The following DLGAP2 variants were observed in gnomAD, a reference collection of about 807,000 sequenced individuals.
DLGAP2 encodes DLG associated protein 2.
In DLGAP2, 26 loss-of-function variants were observed where a neutral mutation model predicts 100.3. The ratio of observed to expected loss-of-function variants is 0.26; its 90% CI spans 0.19 to 0.36. The LOEUF (loss-of-function observed/expected upper bound fraction) is 0.36, where lower values mean the gene tolerates loss of function less well. Among genes scored for constraint, DLGAP2 ranks in the 10% least tolerant of loss-of-function variants. The pLI, the probability that DLGAP2 is intolerant of heterozygous loss-of-function variation, is 1.00. For synonymous variants in DLGAP2, 886 were observed against 630.1 expected (o/e 1.41, Z -6.08); for missense variants, 1,858 against 1,453.2 (o/e 1.28, Z -4.53).
rs555059506 is a variant in DLGAP2 at position 1,627,106 on chromosome 8, G to A, written c.1590+219G>A. Among the ~76,000 whole-genome samples the A allele has an allele frequency of 8.6e-4, 131 of 152,330 alleles. 2 individuals are homozygous for A. The highest frequency in any genetic ancestry group is 2.4e-3 in the African/African-American group (98 of 41,574). ...GTGTATAACTCCATATCATTTTTGC[G>A]TTGATTTTTTTCTGAGGAAGCAATG... On this transcript the variant is annotated intron_variant, in intron 7 of 14. Transcript: ENST00000637795.
chr8:996,161 C>G (rs1336292662), intron 2 of DLGAP2, among the ~76,000 whole-genome samples: 3 of 152,202 alleles, frequency 2.0e-5, no homozygotes, highest in Non-Finnish European at 4.4e-5. Context: ...CACTCCAGAG[C>G]TGAGAGAGGA....
At position 958,670 on chromosome 8, in the gene DLGAP2, C is replaced by T. The variant is rs184143484; in HGVS notation, c.73+50704C>T. 1.3e-4 allele frequency among the ~76,000 whole-genome samples: 20 copies of T among 151,358 alleles called. No individual in the cohort carries two copies. In the East Asian group the frequency reaches 3.7e-3, roughly 28 times the overall value. On this transcript the variant is annotated intron_variant, in intron 2 of 14. Coordinates refer to ENST00000637795, the MANE Select transcript of DLGAP2 (RefSeq NM_001346810.2). ...AATCAAGCCATGCAAATGGAAGCCT[C>T]GTGCTTCTGTGTTGTATTTAGGGCA...
chr8:1,076,902 G>A (rs1176361697), intron 2 of DLGAP2, among the ~76,000 whole-genome samples: 2 of 143,426 alleles, frequency 1.4e-5, no homozygotes, highest in Non-Finnish European at 3.0e-5. Context: ...AGTCTGTCCC[G>A]GCCCCCCCCA....
At chr8:1,044,637 A>T (rs906492260) in intron 2 of DLGAP2, among the ~76,000 whole-genome samples, 2 of 152,208 alleles carry the variant, frequency 1.3e-5, no homozygotes, top group African/African-American at 2.4e-5. Flanking sequence ...CTCCTCTCCC[A>T]TCCTTTCTCA....
Position 1,235,537 on chromosome 8 carries a change from G to A in DLGAP2, c.74-23314G>A, listed in dbSNP as rs560655450. ...TCTCTCACACAGAGCATCATGTCTA[G>A]TTCTCTCACATGGCGCCATGTCTAG... On this transcript the variant is annotated intron_variant, in intron 2 of 14. Coordinates refer to ENST00000637795, the MANE Select transcript of DLGAP2 (RefSeq NM_001346810.2). Among the ~76,000 whole-genome samples the A allele has an allele frequency of 2.9e-3, 46 of 16,034 alleles. 7 individuals are homozygous for A. The highest frequency in any genetic ancestry group is 6.2e-3 in the African/African-American group (46 of 7,442). The allele number at this position is 16,034 out of a possible 152,430, so 10.5% of individuals were successfully genotyped here. A position where few individuals can be genotyped will look rare whatever the true frequency, so the allele number is the denominator to read the frequency against.
intron 2 of DLGAP2, among the ~76,000 whole-genome samples, chr8:974,695 A>C (rs1247094208): frequency 2.0e-5 from 3 of 152,204 alleles, no homozygotes; most frequent in Non-Finnish European, 4.4e-5. Context: ...AATATTTCAA[A>C]CTAAGTAAAA....
chr8:1,638,705 G>T (rs900904759), intron 8 of DLGAP2, among the ~76,000 whole-genome samples: 1 of 152,144 alleles, frequency 6.6e-6, no homozygotes, highest in African/African-American at 2.4e-5. Context: ...GAGGCCTCCT[G>T]CCCCAGCCGT....
At chr8:1,679,425 C>T (rs989851149) in intron 12 of DLGAP2, among the ~76,000 whole-genome samples, 4 of 138,086 alleles carry the variant, frequency 2.9e-5, no homozygotes, top group African/African-American at 8.2e-5. Context: ...ATGGGAAGGC[C>T]GTGTCATTCC....
chr8:1,363,434 C>T (rs1188606002), intron 3 of DLGAP2, among the ~76,000 whole-genome samples: 1 of 152,210 alleles, frequency 6.6e-6, no homozygotes, highest in African/African-American at 2.4e-5. Context: ...ACAGAGGCAC[C>T]TGTAAGCCCT....
intron 3 of DLGAP2, among the ~76,000 whole-genome samples, chr8:1,339,785 T>C (rs1401040462): frequency 6.6e-6 from 1 of 152,154 alleles, no homozygotes; most frequent in Non-Finnish European, 1.5e-5. Flanking sequence ...ATACTCCAAA[T>C]AGCATGGAAG....
chr8:1,352,724 C>T (rs1801763941), intron 3 of DLGAP2, among the ~76,000 whole-genome samples: 1 of 152,170 alleles, frequency 6.6e-6, no homozygotes, highest in South Asian at 2.1e-4. Context: ...AGTTTTACAG[C>T]TCGCTGTGCC....
At chr8:1,561,662 G>A (rs1213889314) in intron 5 of DLGAP2, among the ~76,000 whole-genome samples, 1 of 152,176 alleles carries the variant, frequency 6.6e-6, no homozygotes, top group Non-Finnish European at 1.5e-5. Context: ...ACAGGGGCCT[G>A]CGGGACTGTG....
At chr8:1,050,012 GT>G (rs1283773304) in intron 2 of DLGAP2, among the ~76,000 whole-genome samples, 1 of 152,048 alleles carries the variant, frequency 6.6e-6, no homozygotes, top group African/African-American at 2.4e-5. Flanking sequence ...ACATGCATAT[GT>G]ACACACATGC....
intron 2 of DLGAP2, among the ~76,000 whole-genome samples, chr8:1,232,078 C>T (rs1253172927): frequency 6.6e-6 from 1 of 152,190 alleles, no homozygotes; most frequent in Non-Finnish European, 1.5e-5. Context: ...TTTTGAATTC[C>T]TTTTTAACTT....
chr8:1,434,022 A>G (rs1797541935), intron 3 of DLGAP2, among the ~76,000 whole-genome samples: 1 of 152,150 alleles, frequency 6.6e-6, no homozygotes, highest in African/African-American at 2.4e-5. Flanking sequence ...AAGCCTCTCC[A>G]TGCCCTGCAA....
chr8:1,265,225 A>G (rs1043165335), intron 3 of DLGAP2, among the ~76,000 whole-genome samples: 2 of 152,362 alleles, frequency 1.3e-5, no homozygotes, highest in African/African-American at 4.8e-5. Flanking sequence ...CAAAAGAAAC[A>G]GGAGCCATAA....
intron 1 of DLGAP2, among the ~76,000 whole-genome samples, chr8:888,503 T>A (rs1411672876): frequency 1.3e-5 from 2 of 152,212 alleles, no homozygotes; most frequent in Admixed American, 6.5e-5. Flanking sequence ...TTTCTCATCT[T>A]TGTGAGTTTG....
At chr8:1,452,311 A>G (rs1798185088) in intron 3 of DLGAP2, among the ~76,000 whole-genome samples, 2 of 152,186 alleles carry the variant, frequency 1.3e-5, no homozygotes, top group Admixed American at 1.3e-4. Flanking sequence ...TGAAGGGCCA[A>G]GCACCCTCCA....
intron 2 of DLGAP2, among the ~76,000 whole-genome samples, chr8:1,026,728 G>T (rs1307078668): frequency 6.6e-6 from 1 of 152,172 alleles, no homozygotes; most frequent in Admixed American, 6.5e-5. Flanking sequence ...ACTGCACATG[G>T]CTCAGGTTTC....
Sources: allele counts gnomAD v4.1 joint callset (sites outside exome capture counted in the v4.1 genomes callset), GRCh38; gene constraint gnomAD v4.1.1; transcripts MANE v1.5; gene names NCBI Gene and HGNC (gene_info 2026-07-23, HGNC 2026-07-21).